Variants in PTPRQ observed in about 807,000 individuals in gnomAD.
PTPRQ encodes phosphatidylinositol phosphatase PTPRQ.
PTPRQ carries 199 observed loss-of-function variants against 246.0 expected under a neutral mutation model. The observed-to-expected ratio is 0.81, with a 90% confidence interval of 0.72 to 0.91. The LOEUF (loss-of-function observed/expected upper bound fraction) is 0.91. Among genes scored for constraint, PTPRQ ranks in the 40% least tolerant of loss-of-function variants. PTPRQ has a pLI of 0.00. For missense variants in PTPRQ, 2,624 were observed against 2,528.4 expected, an observed-to-expected ratio of 1.04 and a Z score of -0.81; for synonymous variants, 869 against 853.2, an observed-to-expected ratio of 1.02 and a Z score of -0.32.
At chr12:80,661,343 A>G (rs896003639) in intron 39 of PTPRQ, among the ~76,000 whole-genome samples, 2 of 149,212 alleles carry the variant, frequency 1.3e-5, no homozygotes, top group African/African-American at 4.9e-5. Flanking sequence ...TACATTTTGT[A>G]TGTATGTATC....
intron 3 of PTPRQ, among the ~76,000 whole-genome samples, chr12:80,449,327 C>T (rs990209501): frequency 1.3e-5 from 2 of 151,950 alleles, no homozygotes; most frequent in African/African-American, 4.8e-5. Context: ...TTTTGGGTTG[C>T]CTGTTCACTC....
intron 14 of PTPRQ, 56 bp from the exon 15 acceptor site, chr12:80,505,968 A>AGAATAG: frequency 6.7e-7 from 1 of 1,500,800 alleles, no homozygotes; most frequent in Non-Finnish European, 8.9e-7. Context: ...CAATTTCAGC[A>AGAATAG]GAATAGATTT....
chr12:80,567,494 C>G (rs914083326), intron 25 of PTPRQ, among the ~76,000 whole-genome samples: 1 of 152,176 alleles, frequency 6.6e-6, no homozygotes, highest in African/African-American at 2.4e-5. Context: ...AGAAAGTTCC[C>G]TTTTACACCC....
intron 25 of PTPRQ, among the ~76,000 whole-genome samples, chr12:80,577,293 C>T (rs1897300587): frequency 6.6e-6 from 1 of 152,054 alleles, no homozygotes; most frequent in Non-Finnish European, 1.5e-5. Flanking sequence ...ACAGTCATGG[C>T]AAAAAGGGAA....
intron 6 of PTPRQ, chr12:80,465,676 C>T (rs1375459805): frequency 1.3e-5 from 2 of 152,168 alleles, no homozygotes; most frequent in Admixed American, 6.5e-5. Flanking sequence ...TGGGCTTCAT[C>T]CCTGGGATGC....
intron 39 of PTPRQ, among the ~76,000 whole-genome samples, chr12:80,660,027 G>T (rs1193006479): frequency 6.6e-6 from 1 of 152,022 alleles, no homozygotes; most frequent in Non-Finnish European, 1.5e-5. Context: ...ACCTTAGAAA[G>T]AATGTCTGGT....
At chr12:80,455,817 T>C (rs952417418) in intron 3 of PTPRQ, among the ~76,000 whole-genome samples, 4 of 152,082 alleles carry the variant, frequency 2.6e-5, no homozygotes, top group African/African-American at 9.7e-5. Context: ...GTCAGACTGG[T>C]CTCGAACTCC....
At chr12:80,596,122 G>C (rs1897963575) in intron 26 of PTPRQ, among the ~76,000 whole-genome samples, 2 of 151,988 alleles carry the variant, frequency 1.3e-5, no homozygotes, top group African/African-American at 4.8e-5. Context: ...GATGGTCCAT[G>C]AAAGAACAAA....
At chr12:80,628,198 T>C (rs1434370758) in intron 33 of PTPRQ, among the ~76,000 whole-genome samples, 2 of 152,118 alleles carry the variant, frequency 1.3e-5, no homozygotes, top group East Asian at 1.9e-4. Flanking sequence ...CGTATTTTAA[T>C]GTATAAAAAA....
chr12:80,574,991 C>A (rs1490744485), intron 25 of PTPRQ, among the ~76,000 whole-genome samples: 2 of 152,248 alleles, frequency 1.3e-5, no homozygotes, highest in South Asian at 4.1e-4. Context: ...CCAATAGCTG[C>A]GTTTTTTTTC....
chr12:80,527,087 T>G (rs1324282624), intron 17 of PTPRQ, among the ~76,000 whole-genome samples: 1 of 152,088 alleles, frequency 6.6e-6, no homozygotes, highest in Non-Finnish European at 1.5e-5. Flanking sequence ...TTTTTGTTTC[T>G]ACAACACATG....
chr12:80,455,519 T>C (rs988981752), intron 3 of PTPRQ, among the ~76,000 whole-genome samples: 8 of 152,166 alleles, frequency 5.3e-5, no homozygotes, highest in African/African-American at 1.9e-4. Flanking sequence ...TCAATGTAAT[T>C]ACTTTCAACA....
At chr12:80,466,505 A>G (rs1485989797) in intron 6 of PTPRQ, among the ~76,000 whole-genome samples, 1 of 152,188 alleles carries the variant, frequency 6.6e-6, no homozygotes, top group East Asian at 1.9e-4. Context: ...GGAAAAAACT[A>G]CTTTAAAGTT....
chr12:80,539,616 T>C (rs1281663197), intron 19 of PTPRQ, among the ~76,000 whole-genome samples, 160 bp from the exon 20 acceptor site: 1 of 152,086 alleles, frequency 6.6e-6, no homozygotes, highest in Non-Finnish European at 1.5e-5. Flanking sequence ...ATATTTCCAG[T>C]TTAATTGTTG....
At chr12:80,493,237 C>T (rs1894504635) in intron 9 of PTPRQ, 38 bp from the exon 10 acceptor site, 2 of 1,381,518 alleles carry the variant, frequency 1.4e-6, no homozygotes, top group Non-Finnish European at 1.9e-6. Context: ...TGAAGTGTAA[C>T]TGTCACAGTC....
At chr12:80,593,703 C>T (rs1341566035) in intron 26 of PTPRQ, 2 of 152,004 alleles carry the variant, frequency 1.3e-5, no homozygotes, top group Non-Finnish European at 1.5e-5. Context: ...TTATTTTACT[C>T]ATCTATTTTT....
At chr12:80,456,543 G>A (rs1323230306) in intron 3 of PTPRQ, among the ~76,000 whole-genome samples, 1 of 152,132 alleles carries the variant, frequency 6.6e-6, no homozygotes, top group Non-Finnish European at 1.5e-5. Context: ...AGAAACTATT[G>A]CTGATAGGAA....
chr12:80,577,871 C>A (rs1897316792), intron 25 of PTPRQ, among the ~76,000 whole-genome samples: 1 of 152,042 alleles, frequency 6.6e-6, no homozygotes, highest in South Asian at 2.1e-4. Flanking sequence ...CACTCAAAAT[C>A]CTGTTTGTGT....
At chr12:80,623,177 C>T (rs17007015) in intron 33 of PTPRQ, among the ~76,000 whole-genome samples, 12,194 of 151,982 alleles carry the variant, frequency 0.08, 1,211 homozygotes, top group African/African-American at 0.23. Flanking sequence ...TGGAGAAAGA[C>T]GGATTGTCCC....
Sources: gnomAD v4.1 joint callset for allele counts (sites outside exome capture counted in the v4.1 genomes callset) on GRCh38, gnomAD v4.1.1 for gene constraint, MANE v1.5 for transcripts, NCBI Gene and HGNC (gene_info 2026-07-23, HGNC 2026-07-21) for gene names.